The following PRKD1 variants were observed in gnomAD, a reference collection of about 807,000 sequenced individuals.
PRKD1 encodes serine/threonine-protein kinase D1.
In PRKD1, 63 loss-of-function variants were observed where a neutral mutation model predicts 95.9. The observed-to-expected ratio is 0.66, with a 90% CI of 0.54 to 0.81. The LOEUF (loss-of-function observed/expected upper bound fraction) is 0.81, where lower values mean the gene tolerates loss of function less well. PRKD1 is among the 30% of genes least tolerant of loss of function. PRKD1 has a pLI of 0.00. For synonymous variants in PRKD1, 425 were observed against 423.1 expected, an observed-to-expected ratio of 1.00 and a Z score of -0.05; for missense variants, 1,048 against 1,165.3, an observed-to-expected ratio of 0.90 and a Z score of 1.47.
Position 29,577,135 on chromosome 14 carries a change from T to C in PRKD1, c.*103A>G. On this transcript the variant is annotated 3_prime_UTR_variant, in exon 18 of 18. Transcript: ENST00000331968. ...TGCTAACAGTTTAACAGCTTTGTTCTCATCTGACAGAAAATAATGGCAGTT... is the reference window on the plus strand; with the variant it reads ...TGCTAACAGTTTAACAGCTTTGTTCCCATCTGACAGAAAATAATGGCAGTT... 1 of 1,208,858 alleles carries C rather than the reference T, an allele frequency of 8.3e-7. No homozygotes were observed. Among genetic ancestry groups the C allele is most frequent in the Non-Finnish European group, 1.2e-6 (1 of 843,748 alleles). The allele number at this position is 1,208,858 out of a possible 1,614,324, so 74.9% of individuals were successfully genotyped here. A position where few individuals can be genotyped will look rare whatever the true frequency, so the allele number is the denominator to read the frequency against.
chr14:29,712,911 C>A (rs1885403891), intron 2 of PRKD1, among the ~76,000 whole-genome samples: 1 of 152,106 alleles, frequency 6.6e-6, no homozygotes, highest in Admixed American at 6.6e-5. Flanking sequence ...TATCTGGCAG[C>A]TTTTCAAATG....
intron 13 of PRKD1, among the ~76,000 whole-genome samples, chr14:29,622,559 C>A (rs997962958): frequency 6.6e-6 from 1 of 151,996 alleles, no homozygotes; most frequent in Admixed American, 6.6e-5. Flanking sequence ...CCTGCCACCA[C>A]ACCCGGCTAA....
rs192102050 is a variant in PRKD1, at chr14:29,713,001, T to G, written c.403+12535A>C. Among the ~76,000 whole-genome samples the G allele has an allele frequency of 3.3e-5, 5 of 152,174 alleles. No homozygotes were observed. The South Asian group carries it at 1.0e-3, about 31-fold the overall frequency. On this transcript the variant is annotated intron_variant, in intron 2 of 17. Coordinates refer to ENST00000331968, the MANE Select transcript of PRKD1 (RefSeq NM_002742.3). ...TAGCCATTTAGTAGCCATTCTCCAGTTGGCTTTGTTAATGCAGGCAGCCTT... is the reference window on the plus strand; with the variant it reads ...TAGCCATTTAGTAGCCATTCTCCAGGTGGCTTTGTTAATGCAGGCAGCCTT...
intron 10 of PRKD1, among the ~76,000 whole-genome samples, chr14:29,630,043 T>G (rs755716585): frequency 6.6e-6 from 1 of 150,670 alleles, no homozygotes; most frequent in Non-Finnish European, 1.5e-5. Context: ...TTCTCCCTCT[T>G]CTTTTTCTTC....
chr14:29,883,368 T>A (rs1288830346), intron 1 of PRKD1, among the ~76,000 whole-genome samples: 2 of 152,076 alleles, frequency 1.3e-5, no homozygotes, highest in African/African-American at 2.4e-5. Flanking sequence ...TACAGAAAAA[T>A]TTTTAAATGA....
intron 1 of PRKD1, among the ~76,000 whole-genome samples, chr14:29,858,842 C>G (rs1892601995): frequency 1.3e-5 from 2 of 151,144 alleles, no homozygotes; most frequent in African/African-American, 4.9e-5. Context: ...AAAAACTCTG[C>G]TATTTAGAAA....
chr14:29,927,594 A>T lies in PRKD1; in HGVS notation c.-82T>A. The T allele has an allele frequency of 9.8e-7, 1 of 1,018,676 alleles. No individual in the cohort carries two copies. The highest frequency in any genetic ancestry group is 1.2e-6 in the Non-Finnish European group (1 of 841,494). 63.1% of individuals were successfully genotyped at this position (1,018,676 alleles called of 1,614,324 possible). A position where few individuals can be genotyped will look rare whatever the true frequency, so the allele number is the denominator to read the frequency against. On this transcript the variant is annotated 5_prime_UTR_variant, in exon 1 of 18. Coordinates refer to ENST00000331968, the MANE Select transcript of PRKD1 (RefSeq NM_002742.3). ...AGGAAAGTTTTGCAGCCGCTGAGCC[A>T]GGAGCTTCTTTCTCCGAGAGCCCAG... is the stretch of plus-strand genomic sequence containing the variant.
chr14:29,674,095 T>A (rs1413006167), intron 2 of PRKD1, among the ~76,000 whole-genome samples: 1 of 152,034 alleles, frequency 6.6e-6, no homozygotes, highest in Non-Finnish European at 1.5e-5. Flanking sequence ...AAGGATGAAG[T>A]GTATGGGCTT....
chr14:29,629,066 G>A lies in PRKD1; in HGVS notation c.1700C>T (p.Ser567Leu), dbSNP rs1365419492. ...CACATTTTCTTGAATCTGGCAATTT[G>A]ATACTGAAATACTCACAGAGATATC... ...HRDISVSISV[S>L]NCQIQENVDI... The change falls in exon 11 of 18, where the codon TCA (serine) becomes TTA (leucine). Residue 567 changes from serine (S) to leucine (L), a missense_variant. Ser to Leu is a moderately radical substitution (Grantham distance 145). Transcript: ENST00000331968. 1 of 1,607,704 alleles carries A rather than the reference G, an allele frequency of 6.2e-7. No homozygotes were observed. The highest frequency in any genetic ancestry group is 1.7e-5 in the Admixed American group (1 of 58,824).
At chr14:29,654,301 A>G (rs1254775337) in intron 4 of PRKD1, among the ~76,000 whole-genome samples, 1 of 151,996 alleles carries the variant, frequency 6.6e-6, no homozygotes, top group East Asian at 1.9e-4. Flanking sequence ...CTTCCTGAGT[A>G]GCTGGGATTA....
chr14:29,914,587 A>T (rs1894827012), intron 1 of PRKD1, among the ~76,000 whole-genome samples: 1 of 152,114 alleles, frequency 6.6e-6, no homozygotes, highest in Non-Finnish European at 1.5e-5. Context: ...TACAAAAATT[A>T]GCTAGGCGTG....
Position 29,595,134 on chromosome 14 carries a change from T to C in PRKD1, c.2434+2357A>G, listed in dbSNP as rs558074180. 7.2e-5 allele frequency among the ~76,000 whole-genome samples: 11 copies of C among 152,288 alleles called. 1 individual carries two copies. The Middle Eastern group carries it at 0.01, about 141-fold the overall frequency. On this transcript the variant is annotated intron_variant, in intron 16 of 17. Coordinates refer to ENST00000331968, the MANE Select transcript of PRKD1 (RefSeq NM_002742.3). ...TCTCCCATCTGAGCTGGTCTCCATA[T>C]CACTTCATCTGAGTGGTAGGAAATT... is the stretch of plus-strand genomic sequence containing the variant.
rs569335072 is a variant in PRKD1 at position 29,863,668 on chromosome 14, T to C, written c.264+63581A>G. Among the ~76,000 whole-genome samples, 6 of 152,186 alleles carry C rather than the reference T, an allele frequency of 3.9e-5. No individual in the cohort carries two copies. In the South Asian group the frequency reaches 1.2e-3, roughly 32 times the overall value. On this transcript the variant is annotated intron_variant, in intron 1 of 17. Coordinates refer to ENST00000331968, the MANE Select transcript of PRKD1 (RefSeq NM_002742.3). ...AAACAGAGAAAAATAAATAAAGATATAATGAAAAATTAACCAAAGTACATG... is the reference window on the plus strand; with the variant it reads ...AAACAGAGAAAAATAAATAAAGATACAATGAAAAATTAACCAAAGTACATG...
At chr14:29,808,346 G>C (rs1191305265) in intron 1 of PRKD1, among the ~76,000 whole-genome samples, 1 of 124,024 alleles carries the variant, frequency 8.1e-6, no homozygotes, top group African/African-American at 3.1e-5. Flanking sequence ...TTAGATTGCA[G>C]CAATTCGGTC....
chr14:29,875,969 G>A (rs1893271239), intron 1 of PRKD1, among the ~76,000 whole-genome samples: 1 of 152,156 alleles, frequency 6.6e-6, no homozygotes, highest in Non-Finnish European at 1.5e-5. Context: ...ACTTTTGTAT[G>A]AGTGCTGGTG....
intron 2 of PRKD1, among the ~76,000 whole-genome samples, chr14:29,723,201 T>C (rs370465860): frequency 4.6e-4 from 70 of 152,228 alleles, no homozygotes; most frequent in African/African-American, 1.6e-3. Flanking sequence ...ACAACAATTA[T>C]TGCCATACTT....
intron 1 of PRKD1, 73 bp from the exon 2 acceptor site, chr14:29,725,747 C>A: frequency 6.7e-7 from 1 of 1,498,546 alleles, no homozygotes; most frequent in South Asian, 1.3e-5. Context: ...TATTTCAGGG[C>A]ACAAATACAA....
chr14:29,797,794 G>T (rs1462857996), intron 1 of PRKD1, among the ~76,000 whole-genome samples: 1 of 152,156 alleles, frequency 6.6e-6, no homozygotes, highest in Admixed American at 6.5e-5. Context: ...TGCCCATAAA[G>T]TGGAACAGAT....
At chr14:29,625,609 C>T (rs899865468) in intron 12 of PRKD1, among the ~76,000 whole-genome samples, 5 of 152,072 alleles carry the variant, frequency 3.3e-5, no homozygotes, top group African/African-American at 4.8e-5. Flanking sequence ...TCTATTATAC[C>T]GTTACGCATT....
Sources: allele counts gnomAD v4.1 joint callset (sites outside exome capture counted in the v4.1 genomes callset), GRCh38; gene constraint gnomAD v4.1.1; transcripts MANE v1.5; gene names NCBI Gene and HGNC (gene_info 2026-07-23, HGNC 2026-07-21).